WBP1L: variants seen among roughly 807,000 people sequenced by gnomAD.
WBP1L encodes the protein WW domain binding protein 1-like.
Under a neutral mutation model 33.7 loss-of-function variants are expected in WBP1L, and 17 were observed. The observed-to-expected ratio is 0.50, with a 90% CI of 0.34 to 0.76. The LOEUF (loss-of-function observed/expected upper bound fraction) is 0.76, where lower values mean the gene tolerates loss of function less well. Among genes scored for constraint, WBP1L ranks in the 30% least tolerant of loss-of-function variants. The pLI is 0.01. For synonymous variants in WBP1L, 173 were observed against 190.8 expected (o/e 0.91, Z 0.77); for missense variants, 389 against 469.4 (o/e 0.83, Z 1.58).
At chr10:102,791,228 G>A (rs2150928) in intron 1 of WBP1L, among the ~76,000 whole-genome samples, 78,761 of 151,982 alleles carry the variant, frequency 0.52, 21,435 homozygotes, top group Middle Eastern at 0.63. Context: ...TCTAGTTCCC[G>A]CTGTCGTTTT....
chr10:102,756,045 T>C (rs1174102627), intron 1 of WBP1L, among the ~76,000 whole-genome samples: 1 of 151,594 alleles, frequency 6.6e-6, no homozygotes, highest in Non-Finnish European at 1.5e-5. Flanking sequence ...TAGACAACCA[T>C]ATATCTATAT....
At chr10:102,779,204 G>A (rs1843303894) in intron 1 of WBP1L, among the ~76,000 whole-genome samples, 1 of 151,704 alleles carries the variant, frequency 6.6e-6, no homozygotes, top group Non-Finnish European at 1.5e-5. Context: ...GCTGAGGCAG[G>A]AGAATCGCTT....
chr10:102,764,028 G>A (rs766523995), intron 1 of WBP1L, among the ~76,000 whole-genome samples: 1 of 151,274 alleles, frequency 6.6e-6, no homozygotes, highest in Non-Finnish European at 1.5e-5. Flanking sequence ...TGGCGAGGTC[G>A]GTCTCAAACT....
At chr10:102,756,883 A>G (rs2134028767) in intron 1 of WBP1L, among the ~76,000 whole-genome samples, 1 of 151,618 alleles carries the variant, frequency 6.6e-6, no homozygotes, top group Non-Finnish European at 1.5e-5. Flanking sequence ...AGCCTGGGCA[A>G]CAGAGCGAGT....
At chr10:102,760,992 T>C (rs914875769) in intron 1 of WBP1L, among the ~76,000 whole-genome samples, 1 of 151,964 alleles carries the variant, frequency 6.6e-6, no homozygotes, top group Non-Finnish European at 1.5e-5. Context: ...GTTCAAGTGA[T>C]TCTCCTTCCT....
intron 1 of WBP1L, among the ~76,000 whole-genome samples, chr10:102,764,532 G>A (rs1368567626): frequency 6.6e-6 from 1 of 152,148 alleles, no homozygotes; most frequent in Non-Finnish European, 1.5e-5. Context: ...CTGGCTGTGG[G>A]CGGCCATTAT....
chr10:102,772,628 G>A (rs1458465713), intron 1 of WBP1L, among the ~76,000 whole-genome samples: 3 of 137,434 alleles, frequency 2.2e-5, no homozygotes, highest in Admixed American at 7.8e-5. Flanking sequence ...GGAGTGCAGT[G>A]GTGTGATCTT....
intron 1 of WBP1L, among the ~76,000 whole-genome samples, chr10:102,789,999 A>G (rs1396837359): frequency 6.6e-6 from 1 of 152,074 alleles, no homozygotes; most frequent in Non-Finnish European, 1.5e-5. Flanking sequence ...TGGCCTCCCA[A>G]AGTGCTGGGA....
intron 2 of WBP1L, among the ~76,000 whole-genome samples, chr10:102,801,219 A>G (rs1843653668): frequency 1.3e-5 from 2 of 152,160 alleles, no homozygotes; most frequent in Admixed American, 1.3e-4. Flanking sequence ...GCAGTAGTTG[A>G]GGCTATTAAG....
chr10:102,798,178 C>CT (rs1843600575), intron 2 of WBP1L, 83 bp downstream of exon 2: 2 of 1,208,838 alleles, frequency 1.7e-6, no homozygotes, highest in African/African-American at 3.0e-5. Flanking sequence ...GGCATTAGCC[C>CT]TTTTCGGATT....
At chr10:102,767,891 T>C (rs1301803255) in intron 1 of WBP1L, among the ~76,000 whole-genome samples, 1 of 152,176 alleles carries the variant, frequency 6.6e-6, no homozygotes, top group Non-Finnish European at 1.5e-5. Flanking sequence ...GATGTGTACA[T>C]GTGTAGGGCC....
intron 1 of WBP1L, among the ~76,000 whole-genome samples, chr10:102,791,334 A>G (rs1843494504): frequency 1.3e-5 from 2 of 152,100 alleles, no homozygotes; most frequent in South Asian, 4.2e-4. Flanking sequence ...AATAATTTTT[A>G]GTTACCTACC....
chr10:102,784,421 C>CTT (rs35898015), intron 1 of WBP1L, among the ~76,000 whole-genome samples: 1,560 of 97,804 alleles, frequency 0.016, 52 homozygotes, highest in African/African-American at 0.046. Flanking sequence ...GTTCTTGTTT[C>CTT]TTTTTTTTTT....
chr10:102,751,740 A>C (rs994122303), intron 1 of WBP1L, among the ~76,000 whole-genome samples: 7 of 152,198 alleles, frequency 4.6e-5, no homozygotes, highest in Admixed American at 4.6e-4. Context: ...TCATGTCATG[A>C]GCTCTGGGGT....
At chr10:102,782,852 C>T (rs767197665) in intron 1 of WBP1L, among the ~76,000 whole-genome samples, 17 of 152,122 alleles carry the variant, frequency 1.1e-4, no homozygotes, top group Non-Finnish European at 2.4e-4. Context: ...GAGGGTTTGC[C>T]GGGACTGTGT....
chr10:102,762,758 C>T (rs1447213023), intron 1 of WBP1L, among the ~76,000 whole-genome samples: 2 of 152,192 alleles, frequency 1.3e-5, no homozygotes, highest in East Asian at 1.9e-4. Flanking sequence ...TGAAGAGACC[C>T]TGCCAGCATA....
At chr10:102,808,414 G>T (rs1356864789) in intron 2 of WBP1L, among the ~76,000 whole-genome samples, 2 of 152,154 alleles carry the variant, frequency 1.3e-5, no homozygotes, top group Non-Finnish European at 2.9e-5. Context: ...AAATTGGAGA[G>T]GAGGTCTTAT....
intron 1 of WBP1L, among the ~76,000 whole-genome samples, chr10:102,780,955 C>T (rs1208323962): frequency 6.6e-6 from 1 of 152,184 alleles, no homozygotes; most frequent in African/African-American, 2.4e-5. Flanking sequence ...AAGTTGTCCA[C>T]ACCAGTGAGA....
intron 1 of WBP1L, chr10:102,744,520 AC>A (rs1331030318): frequency 2.0e-6 from 2 of 981,590 alleles, no homozygotes; most frequent in Non-Finnish European, 2.4e-6. Flanking sequence ...GTAGGGGTAC[AC>A]AGGCTATTGA....
Sources: gnomAD v4.1 joint callset for allele counts (sites outside exome capture counted in the v4.1 genomes callset) on GRCh38, gnomAD v4.1.1 for gene constraint, MANE v1.5 for transcripts, NCBI Gene and HGNC (gene_info 2026-07-23, HGNC 2026-07-21) for gene names.